NDUFAF6: variants seen among roughly 807,000 people sequenced by gnomAD.
The protein encoded by NDUFAF6 is NADH dehydrogenase (ubiquinone) complex I, assembly factor 6.
A neutral mutation model predicts 40.8 loss-of-function variants in NDUFAF6; 45 were observed. That is an observed-to-expected ratio of 1.10 (90% CI 0.87 to 1.42). NDUFAF6 has a LOEUF of 1.42. Among genes scored for constraint, NDUFAF6 ranks in the 40% most tolerant of loss-of-function variants. The pLI, the probability that NDUFAF6 is intolerant of heterozygous loss-of-function variation, is 0.00. For synonymous variants in NDUFAF6, 185 were observed against 155.9 expected (o/e 1.19, Z -1.39); for missense variants, 435 against 418.5 (o/e 1.04, Z -0.34).
chr8:95,089,316 T>C (rs1199972662), intron 2 of NDUFAF6, among the ~76,000 whole-genome samples: 1 of 152,186 alleles, frequency 6.6e-6, no homozygotes, highest in African/African-American at 2.4e-5. Flanking sequence ...ACTCATGAAC[T>C]TCTGCCTCCG....
intron 1 of NDUFAF6, among the ~76,000 whole-genome samples, chr8:94,908,006 A>G (rs1276587625): frequency 6.6e-6 from 1 of 152,118 alleles, no homozygotes; most frequent in Non-Finnish European, 1.5e-5. Flanking sequence ...CCTCTCTACT[A>G]TGTTTAATAC....
chr8:95,063,442 CA>C (rs1359498721), downstream of NDUFAF6, among the ~76,000 whole-genome samples: 3 of 152,104 alleles, frequency 2.0e-5, no homozygotes, highest in Non-Finnish European at 4.4e-5. Context: ...ACTAAAAATA[CA>C]AAAATTATCC....
downstream of NDUFAF6, among the ~76,000 whole-genome samples, chr8:95,062,285 T>C (rs1167663538): frequency 2.6e-5 from 4 of 152,058 alleles, no homozygotes; most frequent in African/African-American, 9.7e-5. Context: ...ATTTGTAAAA[T>C]AGGCAAAATC....
intron 1 of NDUFAF6, chr8:94,940,736 C>G: frequency 2.3e-6 from 2 of 865,800 alleles, no homozygotes; most frequent in South Asian, 3.3e-5. Flanking sequence ...AGGCTGAAAA[C>G]CCCTCAGTTA....
intron 1 of NDUFAF6, among the ~76,000 whole-genome samples, chr8:94,933,156 C>T (rs1820592574): frequency 6.6e-6 from 1 of 152,154 alleles, no homozygotes; most frequent in East Asian, 1.9e-4. Context: ...GCGGAGGTTG[C>T]AGTGAGCCGA....
Position 95,024,994 on chromosome 8 carries a change from C to A in NDUFAF6, c.-15C>A. ...GCCGACGGCGGGGGGTCGAAGGGCA[C>A]GCAGTGCCGGCGTCATGGCGGCCTC... On this transcript the variant is annotated 5_prime_UTR_variant, in exon 1 of 9. Coordinates refer to ENST00000396124, the MANE Select transcript of NDUFAF6 (RefSeq NM_152416.4). The A allele has an allele frequency of 6.1e-6, 8 of 1,321,138 alleles. No homozygotes were observed. Among genetic ancestry groups the A allele is most frequent in the Non-Finnish European group, 6.7e-6 (7 of 1,042,082 alleles). The allele number at this position is 1,321,138 out of a possible 1,614,324, so 81.8% of individuals were successfully genotyped here. A position where few individuals can be genotyped will look rare whatever the true frequency, so the allele number is the denominator to read the frequency against.
chr8:95,038,486 A>C lies in NDUFAF6; in HGVS notation c.420+2910A>C, dbSNP rs532231022. Among the ~76,000 whole-genome samples the C allele has an allele frequency of 3.9e-5, 6 of 151,998 alleles. No individual in the cohort carries two copies. In the East Asian group the frequency reaches 1.2e-3, roughly 29 times the overall value. ...CCCAGGCCCGGGTAGCTGGGGCTACAGGCACATGCTACCACACCTGGCTGA... is the reference window on the plus strand; with the variant it reads ...CCCAGGCCCGGGTAGCTGGGGCTACCGGCACATGCTACCACACCTGGCTGA... On this transcript the variant is annotated intron_variant, in intron 3 of 8. Coordinates refer to ENST00000396124, the MANE Select transcript of NDUFAF6 (RefSeq NM_152416.4).
chr8:94,969,395 A>T (rs1306560510), intron 1 of NDUFAF6, among the ~76,000 whole-genome samples: 1 of 152,184 alleles, frequency 6.6e-6, no homozygotes, highest in Admixed American at 6.5e-5. Flanking sequence ...GTGCCACTGG[A>T]TTTGAAAAGT....
At chr8:94,999,696 C>A (rs1042045744) in intron 2 of NDUFAF6, among the ~76,000 whole-genome samples, 4 of 152,104 alleles carry the variant, frequency 2.6e-5, no homozygotes, top group Non-Finnish European at 5.9e-5. Context: ...GGATTACAGG[C>A]GTGAGCCACC....
Position 95,032,015 on chromosome 8 carries a change from AT to A in NDUFAF6, c.221del (p.Leu74TyrfsTer17). ...ELLRKRDYEG[Y>X]LCSLLLPAES... Reference sequence around the variant, plus strand: ...TACAGGAAACGGGATTATGAAGGTTATTTATGCTCCCTGCTGCTCCCTGCAG... The same window carrying A: ...TACAGGAAACGGGATTATGAAGGTTATTATGCTCCCTGCTGCTCCCTGCAG... On this transcript the variant is annotated frameshift_variant, in exon 2 of 9. Coordinates refer to ENST00000396124, the MANE Select transcript of NDUFAF6 (RefSeq NM_152416.4). LOFTEE classifies it high-confidence loss of function. The A allele has an allele frequency of 6.2e-7, 1 of 1,613,914 alleles. No individual in the cohort carries two copies. Among genetic ancestry groups the A allele is most frequent in the African/African-American group, 1.3e-5 (1 of 75,030 alleles).
chr8:94,974,256 A>C (rs1356417581), intron 1 of NDUFAF6, among the ~76,000 whole-genome samples: 1 of 151,852 alleles, frequency 6.6e-6, no homozygotes, highest in Non-Finnish European at 1.5e-5. Context: ...TAAGGAAAAA[A>C]AAAAACCACA....
At chr8:95,046,857 C>A in intron 5 of NDUFAF6, 137 bp from the exon 6 acceptor site, 1 of 1,158,542 alleles carries the variant, frequency 8.6e-7, no homozygotes, top group Non-Finnish European at 1.2e-6. Flanking sequence ...CAGTTTTTCA[C>A]TCATAAATCC....
intron 1 of NDUFAF6, among the ~76,000 whole-genome samples, chr8:94,973,717 A>G (rs1327789892): frequency 6.6e-6 from 1 of 151,682 alleles, no homozygotes; most frequent in Admixed American, 6.6e-5. Flanking sequence ...TCAAAAAAAA[A>G]AAAAAAAGAA....
downstream of NDUFAF6, among the ~76,000 whole-genome samples, chr8:95,117,793 G>A (rs879584394): frequency 6.6e-6 from 1 of 152,184 alleles, no homozygotes; most frequent in Non-Finnish European, 1.5e-5. Context: ...GATAGTGGAG[G>A]CCAGATATTA....
chr8:94,933,932 G>A (rs62523081), intron 1 of NDUFAF6, among the ~76,000 whole-genome samples: 43,842 of 149,438 alleles, frequency 0.29, 7,138 homozygotes, highest in Non-Finnish European at 0.37. Flanking sequence ...TTAGCTGGGC[G>A]TAGTGGCGGT....
intron 1 of NDUFAF6, among the ~76,000 whole-genome samples, chr8:95,030,787 G>T (rs1406287635): frequency 6.6e-6 from 1 of 152,196 alleles, no homozygotes; most frequent in Non-Finnish European, 1.5e-5. Context: ...AATTTGTAAA[G>T]AAAAGAGGTT....
intron 1 of NDUFAF6, among the ~76,000 whole-genome samples, chr8:94,906,150 C>T (rs77493131): frequency 0.021 from 3,128 of 152,258 alleles, 37 homozygotes; most frequent in African/African-American, 0.032. Flanking sequence ...AAGCTGTCAC[C>T]GTGCTCCCAT....
At chr8:95,032,186 A>G in intron 2 of NDUFAF6, 92 bp downstream of exon 2, 1 of 1,103,854 alleles carries the variant, frequency 9.1e-7, no homozygotes, top group Non-Finnish European at 1.4e-6. Flanking sequence ...TGTAATTTAT[A>G]TGTTAGATGT....
chr8:95,055,660 G>C (rs73278524), intron 8 of NDUFAF6, among the ~76,000 whole-genome samples: 1 of 152,128 alleles, frequency 6.6e-6, no homozygotes, highest in Non-Finnish European at 1.5e-5. Flanking sequence ...TTTCTTTGCA[G>C]AGAAAGGGAG....
Sources: allele counts gnomAD v4.1 joint callset (sites outside exome capture counted in the v4.1 genomes callset), GRCh38; gene constraint gnomAD v4.1.1; transcripts MANE v1.5; gene names NCBI Gene and HGNC (gene_info 2026-07-23, HGNC 2026-07-21).